Variants in LMBR1 observed in about 807,000 individuals in gnomAD.
LMBR1 encodes the protein limb development membrane protein 1.
In LMBR1, 52 loss-of-function variants were observed where a neutral mutation model predicts 73.9. The observed-to-expected ratio is 0.70, with a 90% CI of 0.56 to 0.89. LMBR1 has a LOEUF of 0.89. LMBR1 is among the 40% of genes least tolerant of loss of function. The probability of loss-of-function intolerance (pLI) is 0.00; values close to 1 mark genes in which losing one functional copy is unlikely to be tolerated. For synonymous variants in LMBR1, 215 were observed against 209.4 expected (o/e 1.03, Z -0.23); for missense variants, 539 against 579.8 (o/e 0.93, Z 0.72).
intron 1 of LMBR1, among the ~76,000 whole-genome samples, chr7:156,880,796 G>A (rs907712858): frequency 6.6e-6 from 1 of 152,088 alleles, no homozygotes; most frequent in Non-Finnish European, 1.5e-5. Context: ...GGGATTACAG[G>A]CATGCGCCAC....
intron 1 of LMBR1, among the ~76,000 whole-genome samples, chr7:156,837,140 A>G (rs910441960): frequency 1.3e-5 from 2 of 151,308 alleles, no homozygotes; most frequent in African/African-American, 4.9e-5. Flanking sequence ...CCTGGCCAAC[A>G]TGATGAAACC....
intron 3 of LMBR1, among the ~76,000 whole-genome samples, 163 bp from the exon 4 acceptor site, chr7:156,826,907 C>T (rs1193404765): frequency 6.6e-6 from 1 of 152,022 alleles, no homozygotes; most frequent in Non-Finnish European, 1.5e-5. Flanking sequence ...ACATATGGGC[C>T]TAGAAGTTAA....
At chr7:156,765,446 C>G (rs1355614838) in intron 5 of LMBR1, among the ~76,000 whole-genome samples, 1 of 152,170 alleles carries the variant, frequency 6.6e-6, no homozygotes, top group Non-Finnish European at 1.5e-5. Context: ...CACCCCAAGC[C>G]ATGTGGAACT....
intron 1 of LMBR1, 42 bp downstream of exon 1, chr7:156,892,886 C>T (rs753467530): frequency 7.2e-7 from 1 of 1,384,134 alleles, no homozygotes. Flanking sequence ...AGGGCCCGGG[C>T]GGGCACGCGG....
chr7:156,892,883 G>C, intron 1 of LMBR1, 45 bp downstream of exon 1: 1 of 1,381,400 alleles, frequency 7.2e-7, no homozygotes, highest in East Asian at 3.1e-5. Context: ...CGGAGGGCCC[G>C]GGCGGGCACG....
At chr7:156,820,902 A>G (rs1834685157) in intron 4 of LMBR1, among the ~76,000 whole-genome samples, 1 of 152,194 alleles carries the variant, frequency 6.6e-6, no homozygotes, top group African/African-American at 2.4e-5. Flanking sequence ...GCAGAGACGC[A>G]TGCTGTGTGG....
intron 5 of LMBR1, among the ~76,000 whole-genome samples, chr7:156,776,110 T>C (rs1287729978): frequency 2.0e-5 from 3 of 148,644 alleles, no homozygotes; most frequent in African/African-American, 7.3e-5. Context: ...TATATGTAAA[T>C]TATATATATT....
In LMBR1 at chr7:156,841,224, A is replaced by G. The variant is rs191548255; in HGVS notation, c.67-4339T>C. The stretch of plus-strand genomic sequence containing the variant: ...TTCAGGACTCAGGAAAGATTAGAAG[A>G]GGAGTAGTTTTGAGGGAGAAATAAG... On this transcript the variant is annotated intron_variant, in intron 1 of 16. Coordinates refer to ENST00000353442, the MANE Select transcript of LMBR1 (RefSeq NM_022458.4). Among the ~76,000 whole-genome samples, 210 of 152,222 alleles carry G rather than the reference A, an allele frequency of 1.4e-3. 1 individual carries two copies. Among genetic ancestry groups the G allele is most frequent in the African/African-American group, 4.2e-3 (175 of 41,530 alleles).
chr7:156,821,317 T>C (rs1264037781), intron 4 of LMBR1, among the ~76,000 whole-genome samples: 2 of 152,138 alleles, frequency 1.3e-5, no homozygotes, highest in Non-Finnish European at 2.9e-5. Context: ...TTCCCTAAAA[T>C]CAGCTGACGG....
downstream of LMBR1, among the ~76,000 whole-genome samples, chr7:156,674,905 A>G (rs1393377057): frequency 6.6e-6 from 1 of 152,206 alleles, no homozygotes; most frequent in African/African-American, 2.4e-5. Flanking sequence ...TCAACTTTTA[A>G]TTTCAAATGT....
At chr7:156,813,319 CCTAT>C (rs1418237764) in intron 4 of LMBR1, among the ~76,000 whole-genome samples, 12 of 152,162 alleles carry the variant, frequency 7.9e-5, no homozygotes, top group African/African-American at 2.7e-4. Context: ...TTCTTCACTA[CCTAT>C]CTATCCTAAT....
chr7:156,843,406 C>T (rs2133992129), intron 1 of LMBR1, among the ~76,000 whole-genome samples: 2 of 152,268 alleles, frequency 1.3e-5, no homozygotes, highest in South Asian at 2.1e-4. Flanking sequence ...GAAACAAAGA[C>T]TTCAATCACC....
chr7:156,803,046 C>A (rs540943355), intron 4 of LMBR1, among the ~76,000 whole-genome samples: 2 of 152,226 alleles, frequency 1.3e-5, no homozygotes, highest in Admixed American at 1.3e-4. Context: ...ACCATAAAAA[C>A]CCTAGAAGAA....
intron 9 of LMBR1, among the ~76,000 whole-genome samples, chr7:156,744,865 C>G (rs923499915): frequency 4.6e-5 from 7 of 152,190 alleles, no homozygotes; most frequent in Admixed American, 2.0e-4. Flanking sequence ...CTTGTCTTTT[C>G]TAGCCCTTGA....
At chr7:156,675,942 G>A (rs1803861061), downstream of LMBR1, 3 of 1,413,900 alleles carry the variant, frequency 2.1e-6, no homozygotes, top group African/African-American at 1.4e-5. Context: ...TGTGGGGGGA[G>A]GTCGAGGACT....
At chr7:156,824,669 C>A (rs1835362118) in intron 4 of LMBR1, among the ~76,000 whole-genome samples, 1 of 151,932 alleles carries the variant, frequency 6.6e-6, no homozygotes. Context: ...TGGCAAAACC[C>A]TGTCTCTACA....
intron 1 of LMBR1, among the ~76,000 whole-genome samples, chr7:156,863,685 G>A (rs998830581): frequency 3.3e-5 from 5 of 152,036 alleles, no homozygotes; most frequent in Non-Finnish European, 5.9e-5. Flanking sequence ...ATCAGAACCT[G>A]GCATTTTCTT....
At position 156,762,139 on chromosome 7, in the gene LMBR1, G is replaced by T; in HGVS notation, c.679C>A (p.Pro227Thr). Residue 227 changes from proline to threonine, a missense_variant, in exon 8 of 17, where the codon CCA becomes ACA. Transcript: ENST00000353442. ...ATTTATAATTAAATACTTACTGTTGGCTTCACTAGCAACTGACCCATCACT... is the reference window on the plus strand; with the variant it reads ...ATTTATAATTAAATACTTACTGTTGTCTTCACTAGCAACTGACCCATCACT... Reference protein sequence around the residue: ...FTVMGQLLVKPTILEDLDEQI... With the variant: ...FTVMGQLLVKTTILEDLDEQI... The T allele has an allele frequency of 6.3e-7, 1 of 1,588,914 alleles. No individual in the cohort carries two copies. Among genetic ancestry groups the T allele is most frequent in the Non-Finnish European group, 8.6e-7 (1 of 1,157,342 alleles).
downstream of LMBR1, chr7:156,675,936 G>T (rs964904765): frequency 1.2e-5 from 17 of 1,457,714 alleles, no homozygotes; most frequent in Non-Finnish European, 1.0e-5. Flanking sequence ...GTGGCATGTG[G>T]GGGGAGGTCG....
Sources: gnomAD v4.1 joint callset for allele counts (sites outside exome capture counted in the v4.1 genomes callset) on GRCh38, gnomAD v4.1.1 for gene constraint, MANE v1.5 for transcripts, NCBI Gene and HGNC (gene_info 2026-07-23, HGNC 2026-07-21) for gene names.